The following EPB41L5 variants were observed in gnomAD, a reference collection of about 807,000 sequenced individuals.
EPB41L5 encodes the protein band 4.1-like protein 5.
A neutral mutation model predicts 106.6 loss-of-function variants in EPB41L5; 55 were observed. The observed-to-expected ratio is 0.52, with a 90% confidence interval of 0.42 to 0.65. The LOEUF (loss-of-function observed/expected upper bound fraction) is 0.65. Ranked by LOEUF, EPB41L5 falls within the 30% of genes least tolerant of loss-of-function variation. The pLI, the probability that EPB41L5 is intolerant of heterozygous loss-of-function variation, is 0.00. For synonymous variants in EPB41L5, 297 were observed against 306.7 expected (o/e 0.97, Z 0.33); for missense variants, 871 against 882.1 (o/e 0.99, Z 0.16).
intron 2 of EPB41L5, among the ~76,000 whole-genome samples, chr2:120,030,508 G>C (rs980445855): frequency 6.6e-6 from 1 of 152,068 alleles, no homozygotes; most frequent in African/African-American, 2.4e-5. Context: ...TCTTCAACCT[G>C]ACCAGTCAGC....
intron 14 of EPB41L5, among the ~76,000 whole-genome samples, chr2:120,096,635 C>T (rs1323813435): frequency 2.0e-5 from 3 of 151,978 alleles, no homozygotes; most frequent in Admixed American, 6.6e-5. Flanking sequence ...ACTAAAAATA[C>T]AAAAATCAGC....
intron 3 of EPB41L5, among the ~76,000 whole-genome samples, chr2:120,048,561 T>C (rs1324273025): frequency 6.6e-6 from 1 of 152,220 alleles, no homozygotes; most frequent in Non-Finnish European, 1.5e-5. Context: ...TTAGTCTTGC[T>C]AGCGGTCTGT....
chr2:120,051,240 C>G (rs1372235131), intron 3 of EPB41L5, among the ~76,000 whole-genome samples: 1 of 152,180 alleles, frequency 6.6e-6, no homozygotes, highest in African/African-American at 2.4e-5. Flanking sequence ...TCGGCTATGC[C>G]CTGCCCCCAG....
At chr2:120,102,047 T>TTTTATCTCATTGATGTTACGG (rs1684173326) in intron 16 of EPB41L5, among the ~76,000 whole-genome samples, 1 of 152,222 alleles carries the variant, frequency 6.6e-6, no homozygotes, top group Non-Finnish European at 1.5e-5. Context: ...AGCAGTTATG[T>TTTTATCTCATTGATGTTACGG]TTTATCTCAT....
intron 1 of EPB41L5, 58 bp downstream of exon 1, chr2:120,013,268 T>G (rs192876733): frequency 1.3e-5 from 2 of 151,708 alleles, no homozygotes; most frequent in Admixed American, 1.3e-4. Context: ...CCTAGCCGAG[T>G]GGACCCTTCC....
intron 1 of EPB41L5, among the ~76,000 whole-genome samples, chr2:120,016,297 G>T (rs573708582): frequency 4.8e-4 from 73 of 152,092 alleles, no homozygotes; most frequent in Non-Finnish European, 8.7e-4. Flanking sequence ...GGGCGTGGTG[G>T]CTGGTACCTG....
intron 2 of EPB41L5, among the ~76,000 whole-genome samples, chr2:120,039,098 A>G (rs969650834): frequency 6.6e-6 from 1 of 152,270 alleles, no homozygotes; most frequent in Non-Finnish European, 1.5e-5. Context: ...GATTCTACTT[A>G]TGTGAGATAC....
intron 2 of EPB41L5, among the ~76,000 whole-genome samples, chr2:120,034,287 A>C (rs1473418854): frequency 6.6e-6 from 1 of 152,214 alleles, no homozygotes; most frequent in African/African-American, 2.4e-5. Flanking sequence ...GTTGTATTTC[A>C]ATAGTCTAGC....
Position 120,173,363 on chromosome 2 carries a change from G to T in EPB41L5, c.2136-1478G>T, listed in dbSNP as rs900018956. ...CTCACCCAGAACAGTCAGAACTTTG[G>T]GGGGTCGTGAGGCAGAATCTCTGGA... On this transcript the variant is annotated intron_variant, in intron 24 of 24. Transcript: ENST00000263713. Among the ~76,000 whole-genome samples the T allele has an allele frequency of 8.5e-5, 13 of 152,134 alleles. No homozygotes were observed. In the East Asian group the frequency reaches 9.6e-4, roughly 11 times the overall value.
chr2:120,059,526 A>G (rs1021858495), intron 3 of EPB41L5, among the ~76,000 whole-genome samples: 1 of 152,210 alleles, frequency 6.6e-6, no homozygotes, highest in African/African-American at 2.4e-5. Context: ...AGACTCTGTT[A>G]ATAGAACGAG....
intron 9 of EPB41L5, 123 bp from the exon 10 acceptor site, chr2:120,078,370 A>G (rs1228032870): frequency 4.4e-6 from 2 of 449,706 alleles, no homozygotes; most frequent in Non-Finnish European, 7.8e-6. Context: ...AACATCTCAT[A>G]TATTAATATT....
At chr2:120,099,658 G>A (rs1334147576) in intron 14 of EPB41L5, among the ~76,000 whole-genome samples, 1 of 151,934 alleles carries the variant, frequency 6.6e-6, no homozygotes, top group Non-Finnish European at 1.5e-5. Context: ...CGATCTCCTG[G>A]CCTCGTGATC....
chr2:120,026,392 G>T (rs1030536933), intron 2 of EPB41L5, among the ~76,000 whole-genome samples: 1 of 151,260 alleles, frequency 6.6e-6, no homozygotes, highest in Middle Eastern at 3.5e-3. Flanking sequence ...TTTTTGATAC[G>T]GAGTCTCACT....
chr2:120,024,111 T>C (rs749214175), intron 2 of EPB41L5, among the ~76,000 whole-genome samples: 1 of 152,192 alleles, frequency 6.6e-6, no homozygotes, highest in Non-Finnish European at 1.5e-5. Context: ...TATACAATCA[T>C]GTCATCTGCA....
At chr2:120,130,866 T>G (rs1351007744) in intron 17 of EPB41L5, among the ~76,000 whole-genome samples, 1 of 152,226 alleles carries the variant, frequency 6.6e-6, no homozygotes, top group Non-Finnish European at 1.5e-5. Context: ...TTTCCCCCTC[T>G]TTTCTTCTTT....
At chr2:120,079,838 G>T (rs1309683114) in intron 10 of EPB41L5, among the ~76,000 whole-genome samples, 8 of 152,004 alleles carry the variant, frequency 5.3e-5, no homozygotes, top group Non-Finnish European at 4.4e-5. Context: ...TGCTGCACAG[G>T]TTGCTTTCCA....
intron 3 of EPB41L5, among the ~76,000 whole-genome samples, chr2:120,069,128 C>CAAAAAAAAAAAAAAA (rs539813602): frequency 7.5e-5 from 6 of 79,568 alleles, no homozygotes; most frequent in African/African-American, 1.2e-4. Context: ...AACTCTGTCT[C>CAAAAAAAAAAAAAAA]AAAAAAAAAA....
At chr2:120,147,986 A>C (rs3107029) in intron 20 of EPB41L5, among the ~76,000 whole-genome samples, 40,282 of 151,910 alleles carry the variant, frequency 0.27, 5,801 homozygotes, top group African/African-American at 0.37. Context: ...CATGCTATAC[A>C]ACACTGTTCT....
At chr2:120,159,277 G>A (rs1452496412) in intron 20 of EPB41L5, among the ~76,000 whole-genome samples, 2 of 141,880 alleles carry the variant, frequency 1.4e-5, no homozygotes, top group African/African-American at 5.2e-5. Context: ...AAAAAAAACA[G>A]CCGGGTGTGG....
Sources: allele counts gnomAD v4.1 joint callset (sites outside exome capture counted in the v4.1 genomes callset), GRCh38; gene constraint gnomAD v4.1.1; transcripts MANE v1.5; gene names NCBI Gene and HGNC (gene_info 2026-07-23, HGNC 2026-07-21).